The following PRELID2 variants were observed in gnomAD, a reference collection of about 807,000 sequenced individuals.
The protein encoded by PRELID2 is PRELI domain containing 2.
Under a neutral mutation model 28.4 loss-of-function variants are expected in PRELID2, and 25 were observed. That is an observed-to-expected ratio of 0.88 (90% CI 0.64 to 1.23). The LOEUF (loss-of-function observed/expected upper bound fraction) is 1.23. Among genes scored for constraint, PRELID2 ranks in the 50% most tolerant of loss-of-function variants. The pLI is 0.00. For missense variants in PRELID2, 201 were observed against 214.4 expected, an observed-to-expected ratio of 0.94 and a Z score of 0.39; for synonymous variants, 76 against 71.6, an observed-to-expected ratio of 1.06 and a Z score of -0.31.
the PRELID2 span, among the ~76,000 whole-genome samples, chr5:145,277,921 A>T: frequency 1.1e-4 from 16 of 152,162 alleles, no homozygotes; most frequent in African/African-American, 3.9e-4. Flanking sequence ...TAATTTCAGA[A>T]CATTTCTAAT....
intron 1 of PRELID2, among the ~76,000 whole-genome samples, chr5:145,574,835 C>T (rs1753047112): frequency 6.6e-6 from 1 of 152,074 alleles, no homozygotes. Flanking sequence ...ACACATAATA[C>T]AATGTAAATG....
At chr5:145,658,853 T>C (rs992364645) in intron 1 of PRELID2, among the ~76,000 whole-genome samples, 1 of 151,528 alleles carries the variant, frequency 6.6e-6, no homozygotes, top group Non-Finnish European at 1.5e-5. Flanking sequence ...AGTTACAGAG[T>C]AAGGGATAAG....
chr5:145,228,989 G>A, the PRELID2 span: 7 of 1,596,538 alleles, frequency 4.4e-6, no homozygotes, highest in East Asian at 1.6e-4. Flanking sequence ...CCAAAAAGGT[G>A]TTCATTGAGG....
At chr5:145,437,584 G>A in the PRELID2 span, among the ~76,000 whole-genome samples, 2 of 152,034 alleles carry the variant, frequency 1.3e-5, no homozygotes, top group African/African-American at 2.4e-5. Flanking sequence ...ACAGTATTTC[G>A]TGGGAGGGAT....
At chr5:145,386,134 A>C in the PRELID2 span, among the ~76,000 whole-genome samples, 2 of 152,064 alleles carry the variant, frequency 1.3e-5, no homozygotes, top group Non-Finnish European at 2.9e-5. Flanking sequence ...CAATCATGGC[A>C]GAAAGGGAAG....
chr5:145,686,578 G>T (rs1755042065), intron 1 of PRELID2, among the ~76,000 whole-genome samples: 1 of 152,218 alleles, frequency 6.6e-6, no homozygotes, highest in African/African-American at 2.4e-5. Context: ...GTCCATTTAG[G>T]GTTAGTTTGA....
the PRELID2 span, among the ~76,000 whole-genome samples, chr5:145,407,274 G>A: frequency 1.3e-5 from 2 of 152,142 alleles, no homozygotes; most frequent in East Asian, 3.9e-4. Flanking sequence ...TATGTGTGGG[G>A]CATGGTGGGA....
At chr5:145,408,927 TA>T in the PRELID2 span, among the ~76,000 whole-genome samples, 13 of 152,198 alleles carry the variant, frequency 8.5e-5, 1 homozygote, top group East Asian at 2.5e-3. Context: ...TCAGGTTATC[TA>T]AAATCAAGAC....
chr5:145,535,980 T>C (rs1282334826), intron 1 of PRELID2, among the ~76,000 whole-genome samples: 3 of 151,930 alleles, frequency 2.0e-5, no homozygotes, highest in Non-Finnish European at 4.4e-5. Context: ...GGGGATAAAA[T>C]GGCAGAGCAG....
the PRELID2 span, among the ~76,000 whole-genome samples, chr5:145,424,271 G>A: frequency 6.6e-6 from 1 of 152,152 alleles, no homozygotes; most frequent in Admixed American, 6.6e-5. Flanking sequence ...CACCCAGTTC[G>A]AGCTTCCCGG....
chr5:145,824,499 G>A (rs1755048908), intron 1 of PRELID2, among the ~76,000 whole-genome samples: 1 of 148,530 alleles, frequency 6.7e-6, no homozygotes, highest in Admixed American at 6.8e-5. Context: ...CAGGGAAAGG[G>A]GTTCATCATT....
chr5:145,695,522 C>T (rs1755241212), intron 1 of PRELID2, among the ~76,000 whole-genome samples: 1 of 152,236 alleles, frequency 6.6e-6, no homozygotes, highest in African/African-American at 2.4e-5. Flanking sequence ...CCAACCTGCT[C>T]TTCTTCCTTG....
the PRELID2 span, chr5:145,230,137 T>C: frequency 2.0e-6 from 1 of 505,744 alleles, no homozygotes; most frequent in South Asian, 1.8e-5. Flanking sequence ...TAATTTGTAA[T>C]TGTGCCTTGT....
At chr5:145,250,116 T>C in the PRELID2 span, among the ~76,000 whole-genome samples, 1 of 152,160 alleles carries the variant, frequency 6.6e-6, no homozygotes, top group African/African-American at 2.4e-5. Context: ...GCAATATTAT[T>C]GGATAAGGTT....
At chr5:145,741,862 T>TTAATCA (rs1561568695) in intron 1 of PRELID2, among the ~76,000 whole-genome samples, 1 of 29,272 alleles carries the variant, frequency 3.4e-5, no homozygotes, top group Non-Finnish European at 8.8e-5. Context: ...TTTTATAATT[T>TTAATCA]AATTTAATAA....
chr5:145,285,648 A>G, the PRELID2 span, among the ~76,000 whole-genome samples: 6 of 152,310 alleles, frequency 3.9e-5, no homozygotes, highest in African/African-American at 1.4e-4. Flanking sequence ...AACCACAACA[A>G]CAACAACAGC....
chr5:145,766,472 G>A (rs564281945), intron 5 of PRELID2, among the ~76,000 whole-genome samples: 14 of 152,228 alleles, frequency 9.2e-5, no homozygotes, highest in African/African-American at 2.4e-4. Flanking sequence ...CAAAGGCATC[G>A]CTAGAGAAGA....
chr5:145,501,326 G>T (rs7718967), intron 1 of PRELID2, among the ~76,000 whole-genome samples: 2 of 151,896 alleles, frequency 1.3e-5, no homozygotes, highest in African/African-American at 2.4e-5. Context: ...GGTGTCCCTT[G>T]CCCAGAACAC....
At chr5:145,244,275 AT>A in the PRELID2 span, among the ~76,000 whole-genome samples, 30 of 152,006 alleles carry the variant, frequency 2.0e-4, no homozygotes, top group African/African-American at 7.2e-4. Context: ...TGTAACATGC[AT>A]TTCACTCTTA....
Sources: gnomAD v4.1 joint callset for allele counts (sites outside exome capture counted in the v4.1 genomes callset) on GRCh38, gnomAD v4.1.1 for gene constraint, MANE v1.5 for transcripts, NCBI Gene and HGNC (gene_info 2026-07-23, HGNC 2026-07-21) for gene names.